HS6ST3: variants seen among roughly 807,000 people sequenced by gnomAD.
HS6ST3 encodes the protein heparan sulfate 6-O-sulfotransferase 3.
HS6ST3 carries 12 observed loss-of-function variants against 36.7 expected under a neutral mutation model. The observed-to-expected ratio is 0.33, with a 90% CI of 0.21 to 0.53. HS6ST3 has a LOEUF of 0.53. HS6ST3 is among the 20% of genes least tolerant of loss of function. The probability of loss-of-function intolerance (pLI) is 0.95; values close to 1 mark genes in which losing one functional copy is unlikely to be tolerated. For missense variants in HS6ST3, 584 were observed against 640.9 expected (o/e 0.91, Z 0.96); for synonymous variants, 240 against 257.5 (o/e 0.93, Z 0.65).
At chr13:96,704,940 A>G (rs1314859990) in intron 1 of HS6ST3, among the ~76,000 whole-genome samples, 1 of 152,174 alleles carries the variant, frequency 6.6e-6, no homozygotes, top group Non-Finnish European at 1.5e-5. Context: ...AAGAGACTTT[A>G]CTATGATATT....
chr13:96,796,258 C>T (rs1272762662), intron 1 of HS6ST3, among the ~76,000 whole-genome samples: 1 of 152,126 alleles, frequency 6.6e-6, no homozygotes, highest in South Asian at 2.1e-4. Flanking sequence ...ACATTTCAAG[C>T]CTCATCATAT....
At chr13:96,602,357 T>G (rs944798916) in intron 1 of HS6ST3, among the ~76,000 whole-genome samples, 17 of 152,352 alleles carry the variant, frequency 1.1e-4, no homozygotes, top group South Asian at 6.2e-4. Flanking sequence ...CTTGATCTTT[T>G]TTTTAGCATG....
At chr13:96,341,008 A>G (rs761059733) in intron 1 of HS6ST3, among the ~76,000 whole-genome samples, 2 of 152,230 alleles carry the variant, frequency 1.3e-5, no homozygotes, top group Non-Finnish European at 2.9e-5. Flanking sequence ...AGTCTTCTAC[A>G]GTGTTGGGAG....
intron 1 of HS6ST3, among the ~76,000 whole-genome samples, chr13:96,108,408 G>C (rs1442839499): frequency 6.6e-6 from 1 of 152,170 alleles, no homozygotes; most frequent in Non-Finnish European, 1.5e-5. Flanking sequence ...AGCAATTCTA[G>C]TTTTGCCCTG....
At chr13:96,641,376 A>ATT (rs35354163) in intron 1 of HS6ST3, among the ~76,000 whole-genome samples, 2 of 151,290 alleles carry the variant, frequency 1.3e-5, no homozygotes, top group Non-Finnish European at 3.0e-5. Context: ...TTAAATACTG[A>ATT]TTTTTTATAC....
In HS6ST3 at chr13:96,834,780, CT is replaced by C. The variant is rs1878885566; in HGVS notation, c.*1583del. 6.6e-6 allele frequency: 1 copy of C among 152,606 alleles called. No individual in the cohort carries two copies. The highest frequency in any genetic ancestry group is 2.1e-4 in the South Asian group (1 of 4,824). 9.5% of individuals were successfully genotyped at this position (152,606 alleles called of 1,614,324 possible). On this transcript the variant is annotated 3_prime_UTR_variant, in exon 2 of 2. Coordinates refer to ENST00000376705, the MANE Select transcript of HS6ST3 (RefSeq NM_153456.4). ...CTTCTCAGCCTCCAGAATACTCTCTCTGGGGTTGTGAGTCAGTCAGCCCACA... is the reference window on the plus strand; with the variant it reads ...CTTCTCAGCCTCCAGAATACTCTCTCGGGGTTGTGAGTCAGTCAGCCCACA...
At chr13:96,532,432 G>C (rs149322777) in intron 1 of HS6ST3, among the ~76,000 whole-genome samples, 1 of 152,330 alleles carries the variant, frequency 6.6e-6, no homozygotes, top group East Asian at 1.9e-4. Flanking sequence ...TGAAACACTT[G>C]AGGTCTGGGG....
chr13:96,410,881 AC>A (rs2055504184), intron 1 of HS6ST3, among the ~76,000 whole-genome samples: 1 of 152,226 alleles, frequency 6.6e-6, no homozygotes, highest in African/African-American at 2.4e-5. Flanking sequence ...AATTCCCTAC[AC>A]TTTAGAAGTG....
chr13:96,315,882 A>G (rs1594751039), intron 1 of HS6ST3, among the ~76,000 whole-genome samples: 1 of 152,148 alleles, frequency 6.6e-6, no homozygotes, highest in East Asian at 1.9e-4. Context: ...TCTTTATAAG[A>G]AGACCAGGTT....
intron 1 of HS6ST3, among the ~76,000 whole-genome samples, chr13:96,329,232 T>C (rs1203028735): frequency 6.8e-6 from 1 of 147,076 alleles, no homozygotes; most frequent in African/African-American, 2.6e-5. Flanking sequence ...AGCTTTTGAA[T>C]GTGTTTGCTC....
At chr13:96,258,435 G>A (rs1324657707) in intron 1 of HS6ST3, among the ~76,000 whole-genome samples, 1 of 152,142 alleles carries the variant, frequency 6.6e-6, no homozygotes, top group Non-Finnish European at 1.5e-5. Context: ...AAGGCTTTTG[G>A]GCTTTGGAAT....
intron 1 of HS6ST3, among the ~76,000 whole-genome samples, chr13:96,403,022 G>A (rs2055459405): frequency 6.6e-6 from 1 of 152,136 alleles, no homozygotes; most frequent in Admixed American, 6.6e-5. Flanking sequence ...CACCAGTAAT[G>A]TATGAGATTC....
intron 1 of HS6ST3, among the ~76,000 whole-genome samples, chr13:96,222,425 T>A (rs538023166): frequency 5.8e-4 from 89 of 152,264 alleles, no homozygotes; most frequent in Admixed American, 1.2e-3. Context: ...TTAAAGAACA[T>A]AGTAAAGCCC....
chr13:96,484,142 C>CT (rs906280431), intron 1 of HS6ST3, among the ~76,000 whole-genome samples: 2 of 151,902 alleles, frequency 1.3e-5, no homozygotes, highest in South Asian at 2.1e-4. Flanking sequence ...ATTACTGTAG[C>CT]TTTTTTTCAG....
At chr13:96,451,215 T>A (rs78327775) in intron 1 of HS6ST3, among the ~76,000 whole-genome samples, 1,684 of 152,188 alleles carry the variant, frequency 0.011, 32 homozygotes, top group African/African-American at 0.039. Flanking sequence ...GTAGTCACAT[T>A]ACCTATTTTT....
At chr13:96,194,043 T>C (rs2054300878) in intron 1 of HS6ST3, among the ~76,000 whole-genome samples, 1 of 152,246 alleles carries the variant, frequency 6.6e-6, no homozygotes, top group African/African-American at 2.4e-5. Flanking sequence ...GTTTGTGATC[T>C]GAGCTTTGTG....
At chr13:96,229,781 A>ACCC (rs151036403) in intron 1 of HS6ST3, among the ~76,000 whole-genome samples, 1,722 of 150,926 alleles carry the variant, frequency 0.011, 32 homozygotes, top group African/African-American at 0.04. Context: ...TCAGGGGGAG[A>ACCC]CCCCCCCCTT....
intron 1 of HS6ST3, among the ~76,000 whole-genome samples, chr13:96,447,625 C>T (rs961765534): frequency 5.9e-5 from 9 of 152,130 alleles, no homozygotes; most frequent in Non-Finnish European, 8.8e-5. Flanking sequence ...CATATCCCCA[C>T]GTGTGTAGAA....
chr13:96,312,177 C>T (rs1207574215), intron 1 of HS6ST3, among the ~76,000 whole-genome samples: 2 of 152,120 alleles, frequency 1.3e-5, no homozygotes, highest in African/African-American at 4.8e-5. Flanking sequence ...CTTAAATTGT[C>T]CACTTAACCC....
Sources: gnomAD v4.1 joint callset for allele counts (sites outside exome capture counted in the v4.1 genomes callset) on GRCh38, gnomAD v4.1.1 for gene constraint, MANE v1.5 for transcripts, NCBI Gene and HGNC (gene_info 2026-07-23, HGNC 2026-07-21) for gene names.